NTRK2: variants seen among roughly 807,000 people sequenced by gnomAD.
The protein encoded by NTRK2 is BDNF/NT-3 growth factors receptor.
Under a neutral mutation model 94.5 loss-of-function variants are expected in NTRK2, and 13 were observed. The observed-to-expected ratio is 0.14, with a 90% CI of 0.09 to 0.22. The LOEUF is 0.22. Among genes scored for constraint, NTRK2 ranks in the 10% least tolerant of loss-of-function variants. NTRK2 has a pLI of 1.00. For synonymous variants in NTRK2, 372 were observed against 407.4 expected, an observed-to-expected ratio of 0.91 and a Z score of 1.05; for missense variants, 639 against 1,071.2, an observed-to-expected ratio of 0.60 and a Z score of 5.63.
At chr9:84,966,696 G>A (rs1436349082) in intron 17 of NTRK2, among the ~76,000 whole-genome samples, 3 of 152,178 alleles carry the variant, frequency 2.0e-5, no homozygotes, top group Admixed American at 2.0e-4. Context: ...CTCCCAAAGT[G>A]CTGGGATTAC....
chr9:84,931,414 AAAAG>A (rs1300315007), intron 14 of NTRK2, among the ~76,000 whole-genome samples: 1 of 149,610 alleles, frequency 6.7e-6, no homozygotes, highest in East Asian at 2.0e-4. Context: ...CTCAAAAAAA[AAAAG>A]AGAGAGAGAG....
chr9:84,948,770 C>T (rs974870882), intron 16 of NTRK2, 136 bp downstream of exon 16: 2 of 706,316 alleles, frequency 2.8e-6, no homozygotes, highest in Admixed American at 5.6e-5. Flanking sequence ...CCAGCATATG[C>T]CAGAGAAAGG....
At chr9:84,801,401 T>A (rs1312482158) in intron 12 of NTRK2, among the ~76,000 whole-genome samples, 1 of 152,224 alleles carries the variant, frequency 6.6e-6, no homozygotes, top group Admixed American at 6.5e-5. Flanking sequence ...TGGTACTAGT[T>A]AGTACAGACA....
intron 2 of NTRK2, among the ~76,000 whole-genome samples, chr9:84,691,571 GC>G (rs2060050654): frequency 6.6e-6 from 1 of 152,214 alleles, no homozygotes; most frequent in South Asian, 2.1e-4. Context: ...GATGGTGGGG[GC>G]TGACATCCTT....
chr9:85,012,651 A>G (rs976045744), intron 17 of NTRK2, among the ~76,000 whole-genome samples: 1 of 152,218 alleles, frequency 6.6e-6, no homozygotes, highest in Non-Finnish European at 1.5e-5. Context: ...AAAAGCAAAA[A>G]GTGTAGGCAA....
At chr9:84,821,325 A>T (rs2072808921) in intron 12 of NTRK2, among the ~76,000 whole-genome samples, 2 of 80,072 alleles carry the variant, frequency 2.5e-5, no homozygotes, top group African/African-American at 7.4e-5. Flanking sequence ...GAATTTACAC[A>T]CACACACACA....
At chr9:84,868,624 A>G (rs1242757727) in intron 14 of NTRK2, among the ~76,000 whole-genome samples, 1 of 152,172 alleles carries the variant, frequency 6.6e-6, no homozygotes, top group Non-Finnish European at 1.5e-5. Flanking sequence ...AATAAAAGGT[A>G]TTAGTTGAAA....
At chr9:84,684,273 C>T (rs2059577704) in intron 2 of NTRK2, among the ~76,000 whole-genome samples, 1 of 152,206 alleles carries the variant, frequency 6.6e-6, no homozygotes, top group Non-Finnish European at 1.5e-5. Context: ...TTTGCCCATG[C>T]ATATACCTGA....
intron 11 of NTRK2, among the ~76,000 whole-genome samples, chr9:84,745,460 G>A (rs2063985106): frequency 1.3e-5 from 2 of 152,152 alleles, no homozygotes; most frequent in Admixed American, 6.5e-5. Flanking sequence ...GAAAGGGACT[G>A]GCGGTGGAGG....
At chr9:84,677,609 C>A (rs1435891094) in intron 2 of NTRK2, among the ~76,000 whole-genome samples, 1 of 152,098 alleles carries the variant, frequency 6.6e-6, no homozygotes, top group Non-Finnish European at 1.5e-5. Context: ...TTTGCCTGGG[C>A]CCCTTGGTAA....
Position 85,025,552 on chromosome 9 carries a change from G to C in NTRK2, c.*4115G>C. On this transcript the variant is annotated 3_prime_UTR_variant, in exon 19 of 19. Transcript: ENST00000277120. ...AGCGTCCTAACAGCAGGATTACCTG[G>C]TCAAGTATGGACTTTCTTTGAATCT... 4.3e-6 allele frequency: 1 copy of C among 233,200 alleles called. No homozygotes were observed. The highest frequency in any genetic ancestry group is 6.0e-5 in the East Asian group (1 of 16,580). The allele number at this position is 233,200 out of a possible 1,614,324, so 14.4% of individuals were successfully genotyped here. A position where few individuals can be genotyped will look rare whatever the true frequency, so the allele number is the denominator to read the frequency against.
Position 84,993,953 on chromosome 9 carries a change from C to T in NTRK2, c.2173-26253C>T, listed in dbSNP as rs565311395. On this transcript the variant is annotated intron_variant, in intron 17 of 18. Coordinates refer to ENST00000277120, the MANE Select transcript of NTRK2 (RefSeq NM_006180.6). Reference sequence around the variant, plus strand: ...CTTATATCAGGCTTCCAGCCCAAAGCAAATTCTTTCATTTTAAGCCTTTGT... The same window carrying T: ...CTTATATCAGGCTTCCAGCCCAAAGTAAATTCTTTCATTTTAAGCCTTTGT... 4.1e-4 allele frequency among the ~76,000 whole-genome samples: 62 copies of T among 152,312 alleles called. 2 individuals carry two copies. The South Asian group carries it at 7.0e-3, about 17-fold the overall frequency.
chr9:84,724,161 A>G (rs2062275953), intron 7 of NTRK2, 63 bp from the exon 8 acceptor site: 1 of 1,597,964 alleles, frequency 6.3e-7, no homozygotes. Context: ...AAGAAACCCC[A>G]AATCTTGTCA....
At chr9:84,800,820 C>A (rs897477047) in intron 12 of NTRK2, among the ~76,000 whole-genome samples, 3 of 152,132 alleles carry the variant, frequency 2.0e-5, no homozygotes, top group Non-Finnish European at 4.4e-5. Context: ...GGTTCTGGGG[C>A]CTTCCTCCAG....
At chr9:84,852,648 A>G (rs757966073) in intron 12 of NTRK2, among the ~76,000 whole-genome samples, 1 of 152,212 alleles carries the variant, frequency 6.6e-6, no homozygotes, top group African/African-American at 2.4e-5. Flanking sequence ...TCTACAAGAG[A>G]TGTAAAAAAC....
intron 2 of NTRK2, among the ~76,000 whole-genome samples, chr9:84,683,189 T>C (rs2059497594): frequency 6.6e-6 from 1 of 152,190 alleles, no homozygotes; most frequent in African/African-American, 2.4e-5. Context: ...TGTTGCTTAT[T>C]TTACTTTAAG....
intron 2 of NTRK2, among the ~76,000 whole-genome samples, chr9:84,685,560 A>G (rs1277520585): frequency 6.6e-6 from 1 of 152,140 alleles, no homozygotes; most frequent in Non-Finnish European, 1.5e-5. Context: ...CTTCTTATCA[A>G]GTCTTGAAAG....
intron 16 of NTRK2, among the ~76,000 whole-genome samples, chr9:84,951,769 A>G (rs1035743669): frequency 1.6e-4 from 25 of 152,302 alleles, no homozygotes; most frequent in Admixed American, 1.6e-3. Flanking sequence ...TCTCAGGTGC[A>G]CTAACATGCT....
chr9:84,672,976 C>G (rs1421038110), intron 2 of NTRK2, among the ~76,000 whole-genome samples: 1 of 152,136 alleles, frequency 6.6e-6, no homozygotes, highest in Non-Finnish European at 1.5e-5. Context: ...TCTACTCTAA[C>G]TTTTTTCCCT....
Sources: allele counts gnomAD v4.1 joint callset (sites outside exome capture counted in the v4.1 genomes callset), GRCh38; gene constraint gnomAD v4.1.1; transcripts MANE v1.5; gene names NCBI Gene and HGNC (gene_info 2026-07-23, HGNC 2026-07-21).